The following HMGCLL1 variants were observed in gnomAD, a reference collection of about 807,000 sequenced individuals.
The protein encoded by HMGCLL1 is 3-hydroxymethyl-3-methylglutaryl-CoA lyase, cytoplasmic.
HMGCLL1 carries 36 observed loss-of-function variants against 39.1 expected under a neutral mutation model. The observed-to-expected ratio is 0.92, with a 90% CI of 0.71 to 1.22. The LOEUF is 1.22. Ranked by LOEUF, HMGCLL1 falls within the 50% of genes most tolerant of loss-of-function variation. HMGCLL1 has a pLI of 0.00. For missense variants in HMGCLL1, 451 were observed against 416.5 expected, an observed-to-expected ratio of 1.08 and a Z score of -0.72; for synonymous variants, 149 against 144.0, an observed-to-expected ratio of 1.03 and a Z score of -0.25.
the HMGCLL1 span, among the ~76,000 whole-genome samples, chr6:55,646,876 T>C: frequency 6.6e-6 from 1 of 152,038 alleles, no homozygotes; most frequent in Admixed American, 6.6e-5. Context: ...TTGGATGAAA[T>C]GTTCTGATAA....
At chr6:55,656,514 C>A in the HMGCLL1 span, among the ~76,000 whole-genome samples, 1 of 151,828 alleles carries the variant, frequency 6.6e-6, no homozygotes, top group South Asian at 2.1e-4. Flanking sequence ...ACCTTGTGTA[C>A]GTCCCTCCAC....
At chr6:55,445,810 T>C (rs943761299) in intron 7 of HMGCLL1, among the ~76,000 whole-genome samples, 1 of 152,064 alleles carries the variant, frequency 6.6e-6, no homozygotes, top group Non-Finnish European at 1.5e-5. Flanking sequence ...TTTAGATGAG[T>C]AACCACAAGG....
At chr6:55,648,303 G>T in the HMGCLL1 span, among the ~76,000 whole-genome samples, 1 of 151,272 alleles carries the variant, frequency 6.6e-6, no homozygotes, top group Non-Finnish European at 1.5e-5. Context: ...ACAATTAAAA[G>T]AACTAGAAAA....
At chr6:55,620,773 T>C in the HMGCLL1 span, among the ~76,000 whole-genome samples, 1 of 152,248 alleles carries the variant, frequency 6.6e-6, no homozygotes, top group East Asian at 1.9e-4. Flanking sequence ...CATTTTGATT[T>C]GATTTTTGTT....
the HMGCLL1 span, among the ~76,000 whole-genome samples, chr6:55,587,714 T>C: frequency 8.6e-5 from 13 of 151,832 alleles, no homozygotes; most frequent in South Asian, 4.2e-4. Flanking sequence ...GGAAGATCTA[T>C]CAAGCAAATG....
chr6:55,468,223 AT>A (rs947031983), intron 7 of HMGCLL1, among the ~76,000 whole-genome samples: 4 of 152,164 alleles, frequency 2.6e-5, no homozygotes, highest in Admixed American at 2.6e-4. Context: ...TAAGGCAACA[AT>A]AAATTTAGGT....
At chr6:55,498,771 G>C (rs555384693) in intron 6 of HMGCLL1, among the ~76,000 whole-genome samples, 10 of 152,154 alleles carry the variant, frequency 6.6e-5, no homozygotes, top group African/African-American at 1.9e-4. Flanking sequence ...CTTAATCACA[G>C]CAGTAAGATC....
intron 7 of HMGCLL1, among the ~76,000 whole-genome samples, chr6:55,471,518 A>G (rs4434460): frequency 0.25 from 38,449 of 151,582 alleles, 4,933 homozygotes; most frequent in East Asian, 0.43. Flanking sequence ...TACCAACATT[A>G]GATACTGTCT....
chr6:55,568,040 C>A (rs1289464321), intron 1 of HMGCLL1, among the ~76,000 whole-genome samples: 3 of 152,060 alleles, frequency 2.0e-5, no homozygotes, highest in African/African-American at 7.2e-5. Flanking sequence ...ATAAAAACCT[C>A]CATGAATCTA....
At chr6:55,527,028 C>T (rs975346167) in intron 3 of HMGCLL1, among the ~76,000 whole-genome samples, 1 of 151,962 alleles carries the variant, frequency 6.6e-6, no homozygotes, top group Non-Finnish European at 1.5e-5. Flanking sequence ...GGGCAGGGAC[C>T]CAAGTCTATC....
At chr6:55,608,828 C>T in the HMGCLL1 span, among the ~76,000 whole-genome samples, 1 of 152,226 alleles carries the variant, frequency 6.6e-6, no homozygotes, top group Non-Finnish European at 1.5e-5. Flanking sequence ...GAGACACTCA[C>T]CAAGGAGAAC....
the HMGCLL1 span, among the ~76,000 whole-genome samples, chr6:55,587,520 A>G: frequency 6.6e-6 from 1 of 152,302 alleles, no homozygotes; most frequent in Admixed American, 6.5e-5. Context: ...ACCAGCTTAC[A>G]TCATAATGAC....
the HMGCLL1 span, among the ~76,000 whole-genome samples, chr6:55,655,326 C>G: frequency 6.6e-6 from 1 of 150,808 alleles, no homozygotes; most frequent in Non-Finnish European, 1.5e-5. Flanking sequence ...TGTATTATTT[C>G]CCCCAACCTC....
At chr6:55,441,879 C>T (rs1308589036) in intron 7 of HMGCLL1, among the ~76,000 whole-genome samples, 5 of 151,854 alleles carry the variant, frequency 3.3e-5, no homozygotes, top group African/African-American at 1.2e-4. Context: ...TTAGTAGAGA[C>T]AGGGTTTCAC....
At chr6:55,505,903 C>G (rs1210655527) in intron 5 of HMGCLL1, among the ~76,000 whole-genome samples, 1 of 151,624 alleles carries the variant, frequency 6.6e-6, no homozygotes, top group South Asian at 2.1e-4. Flanking sequence ...AAAGTTGCCA[C>G]GTAAAATATT....
chr6:55,560,951 C>T (rs1770916327), intron 1 of HMGCLL1, among the ~76,000 whole-genome samples: 1 of 152,074 alleles, frequency 6.6e-6, no homozygotes. Flanking sequence ...AAATAAACCA[C>T]AGTGGTTGAT....
chr6:55,561,632 T>C (rs1770952861), intron 1 of HMGCLL1, among the ~76,000 whole-genome samples: 1 of 151,908 alleles, frequency 6.6e-6, no homozygotes, highest in Admixed American at 6.6e-5. Context: ...AAAAGCCAAC[T>C]TAAAAAAAGT....
At chr6:55,576,973 A>C in intron 1 of HMGCLL1, 2 of 1,469,552 alleles carry the variant, frequency 1.4e-6, no homozygotes, top group Non-Finnish European at 1.9e-6. Flanking sequence ...ATGTAAGTCT[A>C]GAAAACACTG....
intron 3 of HMGCLL1, among the ~76,000 whole-genome samples, chr6:55,520,284 A>C (rs1399599681): frequency 6.6e-6 from 1 of 150,788 alleles, no homozygotes; most frequent in Non-Finnish European, 1.5e-5. Flanking sequence ...AAATAAAAGA[A>C]AAAAAAGGAA....
Sources: allele counts gnomAD v4.1 joint callset (sites outside exome capture counted in the v4.1 genomes callset), GRCh38; gene constraint gnomAD v4.1.1; transcripts MANE v1.5; gene names NCBI Gene and HGNC (gene_info 2026-07-23, HGNC 2026-07-21).